PPP2R3A: variants seen among roughly 807,000 people sequenced by gnomAD.
PPP2R3A encodes protein phosphatase 2 regulatory subunit B''alpha.
Under a neutral mutation model 106.9 loss-of-function variants are expected in PPP2R3A, and 80 were observed. The observed-to-expected ratio is 0.75, with a 90% CI of 0.62 to 0.90. The LOEUF (loss-of-function observed/expected upper bound fraction) is 0.90. Among genes scored for constraint, PPP2R3A ranks in the 40% least tolerant of loss-of-function variants. The pLI, the probability that PPP2R3A is intolerant of heterozygous loss-of-function variation, is 0.00. For missense variants in PPP2R3A, 1,386 were observed against 1,350.4 expected, an observed-to-expected ratio of 1.03 and a Z score of -0.41; for synonymous variants, 483 against 468.3, an observed-to-expected ratio of 1.03 and a Z score of -0.41.
Position 136,146,960 on chromosome 3 carries a change from TAAA to T in PPP2R3A, c.*1797_*1799del, listed in dbSNP as rs1939156572. The stretch of plus-strand genomic sequence containing the variant: ...TAAACTAATAAGATTCACCAAAAAG[TAAA>T]AATTCAATTTTACAATATACATTTT... On this transcript the variant is annotated 3_prime_UTR_variant, in exon 14 of 14. Coordinates refer to ENST00000264977, the MANE Select transcript of PPP2R3A (RefSeq NM_002718.5). 6.6e-6 allele frequency: 1 copy of T among 152,138 alleles called. No individual in the cohort carries two copies. The highest frequency in any genetic ancestry group is 2.4e-5 in the African/African-American group (1 of 41,422). The allele number at this position is 152,138 out of a possible 1,614,324, so 9.4% of individuals were successfully genotyped here.
At chr3:136,055,383 T>G (rs1935826528) in intron 5 of PPP2R3A, 3 of 972,676 alleles carry the variant, frequency 3.1e-6, no homozygotes. Context: ...CAGGTAGGAC[T>G]TCCTCTGACC....
intron 3 of PPP2R3A, among the ~76,000 whole-genome samples, chr3:136,033,349 T>A (rs1276636672): frequency 6.6e-6 from 1 of 152,214 alleles, no homozygotes; most frequent in Non-Finnish European, 1.5e-5. Flanking sequence ...GTTTGTTTGG[T>A]TGGTTATGTC....
chr3:136,018,995 C>T (rs1388809941), intron 2 of PPP2R3A, among the ~76,000 whole-genome samples: 3 of 152,182 alleles, frequency 2.0e-5, no homozygotes, highest in Non-Finnish European at 4.4e-5. Context: ...TGTGTTCCAG[C>T]CACCCCCACA....
chr3:136,030,087 A>G (rs1430113628), intron 3 of PPP2R3A, among the ~76,000 whole-genome samples: 1 of 152,028 alleles, frequency 6.6e-6, no homozygotes, highest in African/African-American at 2.4e-5. Flanking sequence ...GTGTAGTGAC[A>G]TGTGCCTGTG....
intron 1 of PPP2R3A, among the ~76,000 whole-genome samples, chr3:135,994,739 G>A (rs1251105709): frequency 1.3e-5 from 2 of 152,090 alleles, no homozygotes; most frequent in Non-Finnish European, 2.9e-5. Flanking sequence ...CACATTTTCA[G>A]CGTTACCAAT....
At chr3:136,133,440 T>C (rs1385115390) in intron 13 of PPP2R3A, among the ~76,000 whole-genome samples, 6 of 152,156 alleles carry the variant, frequency 3.9e-5, no homozygotes. Context: ...CAGTGAGATA[T>C]ACTACACAGC....
At chr3:136,111,029 T>C (rs1251488223) in intron 13 of PPP2R3A, among the ~76,000 whole-genome samples, 1 of 152,140 alleles carries the variant, frequency 6.6e-6, no homozygotes, top group Non-Finnish European at 1.5e-5. Context: ...AATAAAGACA[T>C]TTTCAGGCTT....
chr3:136,040,383 T>A (rs909260828), intron 3 of PPP2R3A, among the ~76,000 whole-genome samples: 3 of 152,040 alleles, frequency 2.0e-5, no homozygotes, highest in African/African-American at 7.2e-5. Context: ...CTACTAAAAA[T>A]ACAAAAATTT....
At chr3:136,048,611 G>T (rs1308006938) in intron 4 of PPP2R3A, among the ~76,000 whole-genome samples, 2 of 151,754 alleles carry the variant, frequency 1.3e-5, no homozygotes, top group Non-Finnish European at 2.9e-5. Context: ...GGTGGAGGCT[G>T]CAGTGAGCTG....
rs1171098387 is a variant in PPP2R3A at position 136,002,065 on chromosome 3, T to A, written c.567T>A (p.His189Gln). Residue 189 changes from histidine to glutamine, a missense_variant, in exon 2 of 14, where the codon CAT (histidine) becomes CAA (glutamine). Physicochemically the swap from His to Gln is conservative, Grantham distance 24 (BLOSUM62 0). Transcript: ENST00000264977. ...SSSVEEKPLS[H>Q]RNSLDTNLTS... ...CAGTTGAGGAAAAACCTTTGTCTCA[T>A]AGAAACTCACTGGATACGAACCTGA... 6.2e-7 allele frequency: 1 copy of A among 1,613,938 alleles called. No homozygotes were observed. Among genetic ancestry groups the A allele is most frequent in the Non-Finnish European group, 8.5e-7 (1 of 1,179,996 alleles).
intron 11 of PPP2R3A, 28 bp downstream of exon 11, chr3:136,102,210 C>T (rs1448817780): frequency 6.2e-7 from 1 of 1,609,822 alleles, no homozygotes; most frequent in African/African-American, 1.3e-5. Flanking sequence ...GACAGATGCA[C>T]TGTTCACCTA....
rs1011965928 is a variant in PPP2R3A at position 136,146,393 on chromosome 3, C to A, written c.*1227C>A. On this transcript the variant is annotated 3_prime_UTR_variant, in exon 14 of 14. Coordinates refer to ENST00000264977, the MANE Select transcript of PPP2R3A (RefSeq NM_002718.5). ...CTTTTCCCCTAGATTTTTTTTTTAACTAGTTCTGAAAGTGTCAAGAATAGC... is the reference window on the plus strand; with the variant it reads ...CTTTTCCCCTAGATTTTTTTTTTAAATAGTTCTGAAAGTGTCAAGAATAGC... The A allele has an allele frequency of 6.6e-6, 1 of 151,926 alleles. No individual in the cohort carries two copies. Among genetic ancestry groups the A allele is most frequent in the Non-Finnish European group, 1.5e-5 (1 of 67,970 alleles). 9.4% of individuals were successfully genotyped at this position (151,926 alleles called of 1,614,324 possible).
chr3:136,124,528 G>T (rs926352587), intron 13 of PPP2R3A, among the ~76,000 whole-genome samples: 6 of 151,884 alleles, frequency 4.0e-5, no homozygotes, highest in Non-Finnish European at 1.5e-5. Flanking sequence ...GCACCCTAAA[G>T]CAGTGCTTAG....
chr3:136,030,699 C>T (rs552118814), intron 3 of PPP2R3A, among the ~76,000 whole-genome samples: 1 of 151,342 alleles, frequency 6.6e-6, no homozygotes, highest in African/African-American at 2.4e-5. Flanking sequence ...TCTCCAATCT[C>T]ATCCTGGTCA....
intron 10 of PPP2R3A, among the ~76,000 whole-genome samples, chr3:136,093,137 G>T (rs1468013118): frequency 6.6e-6 from 1 of 152,224 alleles, no homozygotes; most frequent in African/African-American, 2.4e-5. Flanking sequence ...GGCTGGATGT[G>T]ATGACTCATG....
chr3:136,121,647 C>T (rs1050405631), intron 13 of PPP2R3A, among the ~76,000 whole-genome samples: 2 of 151,226 alleles, frequency 1.3e-5, no homozygotes, highest in Non-Finnish European at 2.9e-5. Context: ...GAGATGAAAG[C>T]TTTAATAACT....
intron 13 of PPP2R3A, among the ~76,000 whole-genome samples, chr3:136,118,726 G>A (rs1327971657): frequency 1.3e-5 from 2 of 150,286 alleles, no homozygotes; most frequent in South Asian, 2.1e-4. Context: ...AATAAGAGAG[G>A]ACACAAATGG....
chr3:136,029,574 A>G (rs1463059153), intron 3 of PPP2R3A, among the ~76,000 whole-genome samples: 1 of 152,250 alleles, frequency 6.6e-6, no homozygotes. Context: ...ATTTATGTGC[A>G]GTGAGAATCA....
At chr3:136,041,567 G>A (rs1280532174) in intron 4 of PPP2R3A, among the ~76,000 whole-genome samples, 3 of 152,038 alleles carry the variant, frequency 2.0e-5, no homozygotes, top group African/African-American at 7.2e-5. Flanking sequence ...TGTTAAATTT[G>A]GGTCTCAGGA....
Sources: gnomAD v4.1 joint callset for allele counts (sites outside exome capture counted in the v4.1 genomes callset) on GRCh38, gnomAD v4.1.1 for gene constraint, MANE v1.5 for transcripts, NCBI Gene and HGNC (gene_info 2026-07-23, HGNC 2026-07-21) for gene names.